TASP1: variants seen among roughly 807,000 people sequenced by gnomAD.
TASP1 encodes the protein threonine aspartase 1.
A neutral mutation model predicts 56.6 loss-of-function variants in TASP1; 16 were observed. The observed-to-expected ratio is 0.28, with a 90% CI of 0.19 to 0.43. The LOEUF (loss-of-function observed/expected upper bound fraction) is 0.43. Among genes scored for constraint, TASP1 ranks in the 20% least tolerant of loss-of-function variants. The pLI is 1.00. For synonymous variants in TASP1, 179 were observed against 184.2 expected (o/e 0.97, Z 0.23); for missense variants, 393 against 511.6 (o/e 0.77, Z 2.24).
chr20:13,445,235 T>C (rs576878069), intron 11 of TASP1, among the ~76,000 whole-genome samples: 78 of 152,254 alleles, frequency 5.1e-4, no homozygotes, highest in South Asian at 1.2e-3. Flanking sequence ...AACTGAGAAT[T>C]CAATTAAAGC....
At chr20:13,604,370 C>T (rs1390606385) in intron 4 of TASP1, among the ~76,000 whole-genome samples, 3 of 152,084 alleles carry the variant, frequency 2.0e-5, no homozygotes, top group African/African-American at 7.2e-5. Flanking sequence ...AGCCTGCCAC[C>T]TCTTCCCTCT....
intron 8 of TASP1, among the ~76,000 whole-genome samples, chr20:13,551,471 G>GA (rs2045981469): frequency 6.6e-6 from 1 of 151,268 alleles, no homozygotes; most frequent in Admixed American, 6.6e-5. Flanking sequence ...GAAGAGAAAG[G>GA]AAAAAAAAGG....
At chr20:13,361,047 A>G in the TASP1 span, among the ~76,000 whole-genome samples, 10 of 152,132 alleles carry the variant, frequency 6.6e-5, no homozygotes, top group African/African-American at 2.4e-4. Context: ...GTGGAAATCT[A>G]TCCTCAAGGA....
the TASP1 span, among the ~76,000 whole-genome samples, chr20:13,193,687 C>T: frequency 5.6e-4 from 85 of 152,318 alleles, no homozygotes; most frequent in Middle Eastern, 3.4e-3. Flanking sequence ...AGCTGCTCAA[C>T]AGTGTCATCA....
chr20:13,548,440 T>TA (rs932112337), intron 8 of TASP1, among the ~76,000 whole-genome samples: 2 of 151,484 alleles, frequency 1.3e-5, no homozygotes, highest in East Asian at 1.9e-4. Flanking sequence ...GGTTGGGACA[T>TA]AAAAAAAAGG....
chr20:13,463,284 T>C (rs2044124759), intron 11 of TASP1, among the ~76,000 whole-genome samples: 1 of 152,092 alleles, frequency 6.6e-6, no homozygotes, highest in African/African-American at 2.4e-5. Flanking sequence ...TCTTTTTCGA[T>C]AATGATGCTA....
chr20:13,615,944 G>T (rs908251221), intron 4 of TASP1, among the ~76,000 whole-genome samples: 1 of 152,142 alleles, frequency 6.6e-6, no homozygotes, highest in Non-Finnish European at 1.5e-5. Flanking sequence ...ACCAGCCTGT[G>T]ATTTTCCAAA....
the TASP1 span, among the ~76,000 whole-genome samples, chr20:13,279,469 C>T: frequency 6.6e-6 from 1 of 152,196 alleles, no homozygotes; most frequent in Non-Finnish European, 1.5e-5. Context: ...TTCTTGTGGA[C>T]CATCCCTGGA....
At chr20:13,595,414 A>G (rs1037890595) in intron 4 of TASP1, among the ~76,000 whole-genome samples, 3 of 152,224 alleles carry the variant, frequency 2.0e-5, no homozygotes, top group Non-Finnish European at 2.9e-5. Flanking sequence ...TGCCCCAACT[A>G]AAAGACACAG....
At chr20:13,339,465 A>C in the TASP1 span, among the ~76,000 whole-genome samples, 14 of 152,286 alleles carry the variant, frequency 9.2e-5, no homozygotes, top group African/African-American at 3.1e-4. Context: ...TTGTCAATTA[A>C]AGCTGGTGAT....
chr20:13,490,444 G>C (rs2043483846), intron 10 of TASP1, among the ~76,000 whole-genome samples: 1 of 152,052 alleles, frequency 6.6e-6, no homozygotes, highest in South Asian at 2.1e-4. Context: ...AAGGAAACTA[G>C]AAGAGTTAAT....
intron 12 of TASP1, among the ~76,000 whole-genome samples, chr20:13,432,353 C>T (rs565861788): frequency 6.6e-6 from 1 of 152,090 alleles, no homozygotes; most frequent in African/African-American, 2.4e-5. Context: ...GGGTGTTTCC[C>T]GTGAGAATAA....
At chr20:13,328,254 G>A in the TASP1 span, among the ~76,000 whole-genome samples, 1 of 152,144 alleles carries the variant, frequency 6.6e-6, no homozygotes, top group Admixed American at 6.5e-5. Context: ...AAACCACAAT[G>A]AGATACCATC....
chr20:13,579,598 G>A (rs1337998592), intron 6 of TASP1, among the ~76,000 whole-genome samples: 1 of 151,964 alleles, frequency 6.6e-6, no homozygotes, highest in Admixed American at 6.6e-5. Flanking sequence ...TGATCTGCCC[G>A]CCTCAGCCTC....
rs182644197 is a variant in TASP1, at chr20:13,573,536, T to A, written c.489-3950A>T. On this transcript the variant is annotated intron_variant, in intron 6 of 13. Transcript: ENST00000337743. ...TAAATGTAATATAGTTTTAAAAAAT[T>A]CCCTGAGTACCCTAAATCAACATAA... Among the ~76,000 whole-genome samples, 75 of 152,336 alleles carry A rather than the reference T, an allele frequency of 4.9e-4. No homozygotes were observed. The East Asian group carries it at 0.013, about 27-fold the overall frequency.
chr20:13,415,961 G>T (rs948502633), intron 13 of TASP1, among the ~76,000 whole-genome samples: 1 of 152,126 alleles, frequency 6.6e-6, no homozygotes, highest in African/African-American at 2.4e-5. Context: ...CTTGTTTTAT[G>T]TATGGGAACT....
At chr20:13,600,735 A>C (rs1018267460) in intron 4 of TASP1, 1 of 152,190 alleles carries the variant, frequency 6.6e-6, no homozygotes, top group African/African-American at 2.4e-5. Flanking sequence ...TTACTGTTCA[A>C]AAGCAATTAA....
chr20:13,568,216 T>C (rs1005305790), intron 7 of TASP1, among the ~76,000 whole-genome samples: 2 of 152,102 alleles, frequency 1.3e-5, no homozygotes, highest in Non-Finnish European at 2.9e-5. Context: ...GGTGCAATCA[T>C]AGCCCACTGC....
At chr20:13,310,554 G>T in the TASP1 span, among the ~76,000 whole-genome samples, 1 of 152,120 alleles carries the variant, frequency 6.6e-6, no homozygotes, top group Non-Finnish European at 1.5e-5. Context: ...GGCAACAAAA[G>T]CAAAAATAGG....
Sources: allele counts gnomAD v4.1 joint callset (sites outside exome capture counted in the v4.1 genomes callset), GRCh38; gene constraint gnomAD v4.1.1; transcripts MANE v1.5; gene names NCBI Gene and HGNC (gene_info 2026-07-23, HGNC 2026-07-21).